The following ABCA13 variants were observed in gnomAD, a reference collection of about 807,000 sequenced individuals.
The protein encoded by ABCA13 is ATP-binding cassette sub-family A member 13.
ABCA13 carries 476 observed loss-of-function variants against 478.7 expected under a neutral mutation model. That is an observed-to-expected ratio of 0.99 (90% confidence interval 0.92 to 1.07). The LOEUF (loss-of-function observed/expected upper bound fraction) is 1.07. ABCA13 is among the 50% of genes least tolerant of loss of function. The probability of loss-of-function intolerance (pLI) is 0.00; values close to 1 mark genes in which losing one functional copy is unlikely to be tolerated. For missense variants in ABCA13, 6,060 were observed against 5,910.6 expected (o/e 1.03, Z -0.83); for synonymous variants, 2,252 against 2,158.9 (o/e 1.04, Z -1.20).
intron 59 of ABCA13, among the ~76,000 whole-genome samples, chr7:48,624,659 G>A (rs763562653): frequency 6.6e-6 from 1 of 151,750 alleles, no homozygotes; most frequent in Admixed American, 6.6e-5. Flanking sequence ...AGGTTCAAGC[G>A]ATTCTCCTGC....
At chr7:48,310,189 G>C in intron 24 of ABCA13, 48 bp downstream of exon 24, 1 of 1,558,030 alleles carries the variant, frequency 6.4e-7, no homozygotes, top group Non-Finnish European at 8.7e-7. Flanking sequence ...GGACTCTGCT[G>C]TGGTGGCTGC....
intron 3 of ABCA13, among the ~76,000 whole-genome samples, chr7:48,202,610 A>G (rs1798937034): frequency 6.6e-6 from 1 of 151,770 alleles, no homozygotes; most frequent in Admixed American, 6.6e-5. Flanking sequence ...CAGAGTGCCG[A>G]TTGGTGTGTT....
At chr7:48,612,278 T>C (rs1021833329) in intron 58 of ABCA13, 3 of 152,224 alleles carry the variant, frequency 2.0e-5, no homozygotes, top group Admixed American at 1.3e-4. Flanking sequence ...CATGTCCACA[T>C]TGAGGTGCAT....
At chr7:48,213,603 T>G (rs1243454099) in intron 3 of ABCA13, among the ~76,000 whole-genome samples, 1 of 152,206 alleles carries the variant, frequency 6.6e-6, no homozygotes, top group Non-Finnish European at 1.5e-5. Context: ...TGAAGTTTAC[T>G]GCATCATTGA....
At chr7:48,187,268 C>CTTTTTTTTTTTTTTTTTTTTTTTTTTTTT (rs539089022) in intron 1 of ABCA13, among the ~76,000 whole-genome samples, 1 of 127,474 alleles carries the variant, frequency 7.8e-6, no homozygotes. Flanking sequence ...AGGGAGTTGT[C>CTTTTTTTTTTTTTTTTTTTTTTTTTTTTT]TTTTTTTTTT....
intron 37 of ABCA13, among the ~76,000 whole-genome samples, chr7:48,391,123 T>C (rs1815980415): frequency 6.6e-6 from 1 of 152,232 alleles, no homozygotes; most frequent in Non-Finnish European, 1.5e-5. Context: ...GGCAGGCTGC[T>C]TGATTTCTTG....
intron 39 of ABCA13, among the ~76,000 whole-genome samples, chr7:48,406,521 CAT>C (rs1217318146): frequency 6.6e-6 from 1 of 152,138 alleles, no homozygotes; most frequent in Non-Finnish European, 1.5e-5. Flanking sequence ...TTTGGAGGAA[CAT>C]ATCATCTGAA....
Position 48,279,933 on chromosome 7 carries a change from C to G in ABCA13, c.8726+13C>G. 6.7e-7 allele frequency: 1 copy of G among 1,503,046 alleles called. No individual in the cohort carries two copies. Among genetic ancestry groups the G allele is most frequent in the Non-Finnish European group, 8.9e-7 (1 of 1,129,008 alleles). 93.1% of individuals were successfully genotyped at this position (1,503,046 alleles called of 1,614,324 possible). On this transcript the variant is annotated intron_variant, in intron 18 of 61. Transcript: ENST00000435803. ...TAACAGATCAAAGGTAATTAAAAAG[C>G]TGAATTCACTTTGTTTTTTTCTCTA...
At position 48,273,854 on chromosome 7, in the gene ABCA13, A is replaced by G; in HGVS notation, c.4188A>G (p.Val1396=). 3.7e-6 allele frequency: 6 copies of G among 1,612,524 alleles called. No homozygotes were observed. The highest frequency in any genetic ancestry group is 5.1e-6 in the Non-Finnish European group (6 of 1,179,088). Residue 1396 remains valine (V), a synonymous_variant, in exon 17 of 62, where the codon GTA becomes GTG. Transcript: ENST00000435803. Reference sequence around the variant, plus strand: ...TTAGCAGTCTGAAAGGATGCATTGTATGGTTAGATGTCATAAACCATTTGT... The same window carrying G: ...TTAGCAGTCTGAAAGGATGCATTGTGTGGTTAGATGTCATAAACCATTTGT... ...NTISSLKGCI[V]WLDVINHLYL...
intron 48 of ABCA13, 94 bp from the exon 49 acceptor site, chr7:48,506,242 T>C (rs1831196258): frequency 1.5e-6 from 2 of 1,371,836 alleles, no homozygotes; most frequent in Admixed American, 1.8e-5. Context: ...GGATACATTG[T>C]GATGGCACAG....
At chr7:48,269,777 A>G (rs927361185) in intron 16 of ABCA13, among the ~76,000 whole-genome samples, 6 of 152,210 alleles carry the variant, frequency 3.9e-5, no homozygotes, top group Non-Finnish European at 7.3e-5. Context: ...GTTTCTATAT[A>G]TTTCACACAT....
At chr7:48,586,958 G>A (rs1789245815) in intron 56 of ABCA13, among the ~76,000 whole-genome samples, 196 bp from the exon 57 acceptor site, 1 of 152,128 alleles carries the variant, frequency 6.6e-6, no homozygotes, top group African/African-American at 2.4e-5. Flanking sequence ...GTCTCCAGCT[G>A]CAGAAAACTC....
chr7:48,245,638 T>C (rs1377741440), intron 12 of ABCA13, 26 bp downstream of exon 12: 1 of 1,583,350 alleles, frequency 6.3e-7, no homozygotes, highest in Admixed American at 1.8e-5. Context: ...TAATTATAAA[T>C]AAGCATTTTT....
intron 31 of ABCA13, among the ~76,000 whole-genome samples, chr7:48,366,721 A>G (rs772506967): frequency 5.9e-5 from 9 of 152,040 alleles, no homozygotes; most frequent in African/African-American, 9.7e-5. Flanking sequence ...TGGAAACTCA[A>G]CTTGTCTCAT....
intron 45 of ABCA13, among the ~76,000 whole-genome samples, chr7:48,473,462 A>T (rs1827738670): frequency 6.6e-6 from 1 of 152,186 alleles, no homozygotes. Flanking sequence ...CCGAACTTTC[A>T]GGCTGCTCTT....
chr7:48,324,497 T>C (rs2128916988), intron 27 of ABCA13, among the ~76,000 whole-genome samples: 1 of 152,320 alleles, frequency 6.6e-6, no homozygotes, highest in Admixed American at 6.5e-5. Flanking sequence ...ACAGTGCCTC[T>C]TTGGAATGAT....
chr7:48,391,036 A>C (rs1585124052), intron 37 of ABCA13, among the ~76,000 whole-genome samples: 1 of 152,242 alleles, frequency 6.6e-6, no homozygotes, highest in Admixed American at 6.5e-5. Flanking sequence ...TTAAATAATA[A>C]ACTTCCTGAA....
chr7:48,198,506 C>A, intron 3 of ABCA13, 146 bp downstream of exon 3: 1 of 972,192 alleles, frequency 1.0e-6, no homozygotes, highest in Non-Finnish European at 1.4e-6. Context: ...AATTCAGAGT[C>A]ATATAATTCT....
intron 56 of ABCA13, among the ~76,000 whole-genome samples, chr7:48,583,817 G>A (rs1396701365): frequency 1.3e-5 from 2 of 152,190 alleles, no homozygotes; most frequent in Admixed American, 1.3e-4. Flanking sequence ...GTGCAGAAAA[G>A]ACTACAGCAA....
Sources: allele counts gnomAD v4.1 joint callset (sites outside exome capture counted in the v4.1 genomes callset), GRCh38; gene constraint gnomAD v4.1.1; transcripts MANE v1.5; gene names NCBI Gene and HGNC (gene_info 2026-07-23, HGNC 2026-07-21).